Variants in RAD51B observed in about 807,000 individuals in gnomAD.
RAD51B encodes the protein DNA repair protein RAD51 homolog 2.
A neutral mutation model predicts 42.2 loss-of-function variants in RAD51B; 38 were observed. The observed-to-expected ratio is 0.90, with a 90% CI of 0.70 to 1.18. The LOEUF (loss-of-function observed/expected upper bound fraction) is 1.18. Ranked by LOEUF, RAD51B falls within the 50% of genes most tolerant of loss-of-function variation. RAD51B has a pLI of 0.00. For missense variants in RAD51B, 373 were observed against 400.7 expected (o/e 0.93, Z 0.59); for synonymous variants, 154 against 145.2 (o/e 1.06, Z -0.43).
chr14:68,411,564 C>G (rs147532073), intron 9 of RAD51B, 37 bp downstream of exon 9: 1 of 1,583,724 alleles, frequency 6.3e-7, no homozygotes, highest in Admixed American at 1.7e-5. Context: ...CTATGAAGGT[C>G]GGGGAATGAG....
chr14:68,195,546 A>G (rs1280721319), intron 7 of RAD51B, among the ~76,000 whole-genome samples: 1 of 152,198 alleles, frequency 6.6e-6, no homozygotes, highest in East Asian at 1.9e-4. Flanking sequence ...CTATAAGTAA[A>G]TCCAAAATCA....
intron 7 of RAD51B, among the ~76,000 whole-genome samples, chr14:68,200,239 C>A (rs781504191): frequency 6.6e-6 from 1 of 152,108 alleles, no homozygotes; most frequent in Non-Finnish European, 1.5e-5. Flanking sequence ...GCAATCTCAG[C>A]GTCTGGCATG....
chr14:67,931,596 G>T (rs1322136809), intron 7 of RAD51B, among the ~76,000 whole-genome samples: 2 of 149,650 alleles, frequency 1.3e-5, no homozygotes, highest in African/African-American at 2.5e-5. Context: ...TCTGCCTCCC[G>T]GGTTCAAGCA....
At chr14:67,990,873 T>C (rs1037664244) in intron 7 of RAD51B, among the ~76,000 whole-genome samples, 3 of 152,226 alleles carry the variant, frequency 2.0e-5, no homozygotes, top group Non-Finnish European at 4.4e-5. Context: ...ACCCTTTTTT[T>C]CTCAAAGACT....
intron 9 of RAD51B, among the ~76,000 whole-genome samples, chr14:68,417,950 T>TC (rs1422417806): frequency 1.3e-5 from 2 of 152,192 alleles, no homozygotes; most frequent in African/African-American, 4.8e-5. Flanking sequence ...GGGTCCCCTT[T>TC]CCCATGCTTT....
downstream of RAD51B, among the ~76,000 whole-genome samples, chr14:68,612,967 G>A (rs1891728990): frequency 6.6e-6 from 1 of 151,070 alleles, no homozygotes; most frequent in African/African-American, 2.5e-5. Flanking sequence ...TGTAAAGAGA[G>A]GTGTGTTTGT....
At chr14:68,675,287 G>A (rs1373065759) in intron 11 of RAD51B, among the ~76,000 whole-genome samples, 1 of 152,202 alleles carries the variant, frequency 6.6e-6, no homozygotes, top group East Asian at 1.9e-4. Flanking sequence ...CTGAGACATA[G>A]TTTGAGGAGA....
chr14:68,482,176 G>GGGGTGTGTGTGT (rs148913511), downstream of RAD51B, among the ~76,000 whole-genome samples: 507 of 149,912 alleles, frequency 3.4e-3, 3 homozygotes, highest in Non-Finnish European at 6.0e-3. Flanking sequence ...ATATTTTAGG[G>GGGGTGTGTGTGT]GTGTGTGTGT....
At chr14:68,000,858 A>T (rs911039261) in intron 7 of RAD51B, among the ~76,000 whole-genome samples, 3 of 152,186 alleles carry the variant, frequency 2.0e-5, no homozygotes, top group African/African-American at 7.2e-5. Flanking sequence ...ATTATTTGGA[A>T]GTCTGTTTCT....
chr14:68,324,795 T>G (rs2082219180), intron 8 of RAD51B, among the ~76,000 whole-genome samples: 2 of 152,232 alleles, frequency 1.3e-5, no homozygotes, highest in Non-Finnish European at 2.9e-5. Flanking sequence ...AGGCTGCTTT[T>G]GACTTATCTA....
At chr14:68,417,977 G>A (rs1038208915) in intron 9 of RAD51B, among the ~76,000 whole-genome samples, 1 of 152,142 alleles carries the variant, frequency 6.6e-6, no homozygotes, top group African/African-American at 2.4e-5. Context: ...GATAGACCGT[G>A]TACCTTTGCT....
chr14:68,193,556 A>T (rs897386049), intron 7 of RAD51B, among the ~76,000 whole-genome samples: 7 of 152,192 alleles, frequency 4.6e-5, no homozygotes, highest in African/African-American at 1.7e-4. Context: ...GGATGCAAAA[A>T]CACTTGGTAA....
At chr14:68,256,857 C>T (rs1416176328) in intron 7 of RAD51B, among the ~76,000 whole-genome samples, 1 of 152,064 alleles carries the variant, frequency 6.6e-6, no homozygotes, top group Non-Finnish European at 1.5e-5. Flanking sequence ...AAGTCATAAA[C>T]ATAAAATCTG....
At chr14:68,207,237 T>A (rs1357509349) in intron 7 of RAD51B, among the ~76,000 whole-genome samples, 3 of 152,148 alleles carry the variant, frequency 2.0e-5, no homozygotes, top group Non-Finnish European at 2.9e-5. Context: ...TACATATATA[T>A]ATAAATACAC....
intron 7 of RAD51B, among the ~76,000 whole-genome samples, chr14:68,047,240 G>A (rs1391330647): frequency 2.0e-5 from 3 of 152,070 alleles, no homozygotes; most frequent in Non-Finnish European, 4.4e-5. Flanking sequence ...ATAACAAGTA[G>A]AAGGAAAATA....
At chr14:67,987,062 AC>A (rs1164752326) in intron 7 of RAD51B, among the ~76,000 whole-genome samples, 1 of 152,080 alleles carries the variant, frequency 6.6e-6, no homozygotes, top group Non-Finnish European at 1.5e-5. Context: ...TTTTGTGGGT[AC>A]ATAGTCAGTG....
intron 7 of RAD51B, among the ~76,000 whole-genome samples, chr14:68,241,531 A>G (rs920867913): frequency 6.6e-6 from 1 of 152,022 alleles, no homozygotes; most frequent in Non-Finnish European, 1.5e-5. Context: ...ACAGAGTGAG[A>G]CTCCGTCTCA....
intron 8 of RAD51B, among the ~76,000 whole-genome samples, chr14:68,386,643 C>T (rs1031803777): frequency 2.0e-5 from 3 of 152,194 alleles, no homozygotes; most frequent in Non-Finnish European, 4.4e-5. Context: ...GTGGCCCTTC[C>T]TCTGTCCTCT....
chr14:68,555,949 A>G (rs1258040820), intron 10 of RAD51B, among the ~76,000 whole-genome samples: 1 of 152,150 alleles, frequency 6.6e-6, no homozygotes, highest in African/African-American at 2.4e-5. Context: ...AAGGCTCAAT[A>G]TGTGCTATCT....
Sources: gnomAD v4.1 joint callset for allele counts (sites outside exome capture counted in the v4.1 genomes callset) on GRCh38, gnomAD v4.1.1 for gene constraint, MANE v1.5 for transcripts, NCBI Gene and HGNC (gene_info 2026-07-23, HGNC 2026-07-21) for gene names.